The following ABCA5 variants were observed in gnomAD, a reference collection of about 807,000 sequenced individuals.
The protein encoded by ABCA5 is cholesterol transporter ABCA5.
A neutral mutation model predicts 206.0 loss-of-function variants in ABCA5; 163 were observed. The observed-to-expected ratio is 0.79, with a 90% CI of 0.70 to 0.90. The LOEUF is 0.90. ABCA5 is among the 40% of genes least tolerant of loss of function. The pLI is 0.00. For missense variants in ABCA5, 1,859 were observed against 1,912.9 expected (o/e 0.97, Z 0.53); for synonymous variants, 609 against 613.8 (o/e 0.99, Z 0.11).
At position 69,301,107 on chromosome 17, in the gene ABCA5, T is replaced by C. The variant is rs2075647843; in HGVS notation, c.1267+32A>G. 3 of 1,488,332 alleles carry C rather than the reference T, an allele frequency of 2.0e-6. No homozygotes were observed. The South Asian group carries it at 4.4e-5, about 22-fold the overall frequency. 92.2% of individuals were successfully genotyped at this position (1,488,332 alleles called of 1,614,324 possible). The stretch of plus-strand genomic sequence containing the variant: ...ATGTGGGCAAAAAAGCCTAAAAATC[T>C]TTAAAGTAAAATTCAAAAACCATCT... On this transcript the variant is annotated intron_variant, in intron 9 of 38. Transcript: ENST00000392676.
chr17:69,254,203 C>A, intron 32 of ABCA5, 112 bp downstream of exon 32: 1 of 875,738 alleles, frequency 1.1e-6, no homozygotes, highest in East Asian at 2.7e-5. Context: ...AAGTAATAAA[C>A]ATTTTCTATA....
At chr17:69,280,314 C>A (rs2075378319) in intron 18 of ABCA5, among the ~76,000 whole-genome samples, 1 of 152,174 alleles carries the variant, frequency 6.6e-6, no homozygotes, top group Non-Finnish European at 1.5e-5. Context: ...TAGGGAAATG[C>A]AAATCAAAAC....
At chr17:69,298,049 G>A (rs150634221) in intron 9 of ABCA5, among the ~76,000 whole-genome samples, 33 of 152,118 alleles carry the variant, frequency 2.2e-4, no homozygotes, top group Non-Finnish European at 4.0e-4. Context: ...AGTCAGATGC[G>A]GTGGTGCATG....
intron 23 of ABCA5, among the ~76,000 whole-genome samples, 153 bp downstream of exon 23, chr17:69,267,790 C>T (rs982432233): frequency 3.9e-5 from 6 of 152,174 alleles, no homozygotes; most frequent in South Asian, 2.1e-4. Flanking sequence ...TTAATTATCA[C>T]TTATTACAAT....
Position 69,289,236 on chromosome 17 carries a change from A to T in ABCA5, c.1843T>A (p.Leu615Ile). The part of the protein sequence containing the change: ...QTIKDNQAKK[L>I]SGGQKRKLSL... ...AGCTTTCTTTTTTGACCACCACTTA[A>T]TTTTTTAGCTTGGTTATCTTTGATA... The change falls in exon 14 of 39, where the codon TTA becomes ATA. Residue 615 changes from leucine (L) to isoleucine (I), a missense_variant. Transcript: ENST00000392676. 1.2e-6 allele frequency: 2 copies of T among 1,609,112 alleles called. No individual in the cohort carries two copies. Among genetic ancestry groups the T allele is most frequent in the Non-Finnish European group, 1.7e-6 (2 of 1,177,902 alleles).
In ABCA5 at chr17:69,259,713, AG is replaced by A. The variant is rs1411278829; in HGVS notation, c.3723del (p.Phe1243SerfsTer31). Reference sequence around the variant, plus strand: ...TTTAAAAAATCAACTGACCTGAAAAAGGGATCTTTTCTTATTGATCTGCCTC... The same window carrying A: ...TTTAAAAAATCAACTGACCTGAAAAAGGATCTTTTCTTATTGATCTGCCTC... ...KYGGRSIRKD[P>X]FFRNLSTKSK... is the part of the protein sequence containing the mutation. On this transcript the variant is annotated frameshift_variant, in exon 28 of 39. Transcript: ENST00000392676. LOFTEE classifies it high-confidence loss of function. 2.5e-6 allele frequency: 4 copies of A among 1,595,218 alleles called. No homozygotes were observed. The African/African-American group carries it at 4.0e-5, about 16-fold the overall frequency.
At position 69,259,723 on chromosome 17, in the gene ABCA5, T is replaced by C. The variant is rs1204393359; in HGVS notation, c.3714A>G (p.Arg1238=). The change falls in exon 28 of 39, where the codon AGA becomes AGG. Residue 1238 remains arginine, a synonymous_variant. Coordinates refer to ENST00000392676, the MANE Select transcript of ABCA5 (RefSeq NM_172232.4). Reference sequence around the variant, plus strand: ...CAACTGACCTGAAAAAGGGATCTTTTCTTATTGATCTGCCTCCATATTTTT... The same window carrying C: ...CAACTGACCTGAAAAAGGGATCTTTCCTTATTGATCTGCCTCCATATTTTT... The part of the protein sequence containing the change: ...YEKKYGGRSI[R]KDPFFRNLST... 4.4e-6 allele frequency: 7 copies of C among 1,605,370 alleles called. No homozygotes were observed. The highest frequency in any genetic ancestry group is 5.1e-6 in the Non-Finnish European group (6 of 1,173,990).
intron 1 of ABCA5, among the ~76,000 whole-genome samples, chr17:69,319,215 A>G (rs927094371): frequency 1.3e-5 from 2 of 152,152 alleles, no homozygotes; most frequent in African/African-American, 4.8e-5. Context: ...ACAAACATAG[A>G]AACACTAACC....
In ABCA5 at chr17:69,287,638, G is replaced by T; in HGVS notation, c.2016C>A (p.Phe672Leu). The T allele has an allele frequency of 6.2e-7, 1 of 1,611,588 alleles. No homozygotes were observed. Among genetic ancestry groups the T allele is most frequent in the Non-Finnish European group, 8.5e-7 (1 of 1,179,080 alleles). ...ANRVTVFSTHFMDEADILADR... is the reference protein window; with the variant it reads ...ANRVTVFSTHLMDEADILADR... ...CTGCAAGAATGTCAGCTTCATCCAT[G>T]AAATGAGTACTGAACACTGTCACCC... The change falls in exon 15 of 39, where the codon TTC becomes TTA. Residue 672 changes from phenylalanine to leucine, a missense_variant. Phe to Leu is a conservative substitution (Grantham distance 22). Transcript: ENST00000392676.
At position 69,301,286 on chromosome 17, in the gene ABCA5, C is replaced by T; in HGVS notation, c.1120G>A (p.Val374Ile). 1 of 1,586,408 alleles carries T rather than the reference C, an allele frequency of 6.3e-7. No individual in the cohort carries two copies. The highest frequency in any genetic ancestry group is 8.5e-7 in the Non-Finnish European group (1 of 1,173,392). ...TCATTAAAATCTTCTAAATGCATGA[C>T]CTGAAAAATACAAACACTAACTTTA... Reference protein sequence around the residue: ...HCTFVIGIAQVMHLEDFNEGA... With the variant: ...HCTFVIGIAQIMHLEDFNEGA... The change falls in exon 9 of 39, where the codon GTC becomes ATC. Residue 374 changes from valine to isoleucine, a missense_variant and splice_region_variant. Coordinates refer to ENST00000392676, the MANE Select transcript of ABCA5 (RefSeq NM_172232.4).
chr17:69,250,831 A>G, intron 35 of ABCA5: 1 of 306,476 alleles, frequency 3.3e-6, no homozygotes, highest in South Asian at 6.5e-5. Flanking sequence ...CTCACAACTG[A>G]GACACCGACA....
In ABCA5 at chr17:69,253,557, C is replaced by T. The variant is rs190726871; in HGVS notation, c.4415+16G>A. On this transcript the variant is annotated intron_variant, in intron 34 of 38. Transcript: ENST00000392676. The stretch of plus-strand genomic sequence containing the variant: ...TTCTAAAGTATCATGTACTGTGTCA[C>T]AAGTACCATACTCACCACATGTGCT... 85 of 1,566,982 alleles carry T rather than the reference C, an allele frequency of 5.4e-5. No homozygotes were observed. In the East Asian group the frequency reaches 9.9e-4, roughly 18 times the overall value.
chr17:69,311,660 T>TAA (rs2075771812), intron 3 of ABCA5, among the ~76,000 whole-genome samples: 1 of 152,050 alleles, frequency 6.6e-6, no homozygotes, highest in South Asian at 2.1e-4. Flanking sequence ...TGGATAATTT[T>TAA]TTTGTATTTT....
intron 3 of ABCA5, 123 bp from the exon 4 acceptor site, chr17:69,309,546 TA>T: frequency 2.6e-6 from 2 of 783,718 alleles, no homozygotes; most frequent in Non-Finnish European, 3.7e-6. Context: ...ATTTACTTCT[TA>T]AAAAATGAAA....
At chr17:69,307,851 A>G (rs974733307) in intron 5 of ABCA5, among the ~76,000 whole-genome samples, 2 of 152,088 alleles carry the variant, frequency 1.3e-5, no homozygotes, top group African/African-American at 4.8e-5. Flanking sequence ...AGCAGACAAG[A>G]TGGTTGATAT....
chr17:69,323,979 C>G (rs573337463), intron 1 of ABCA5, among the ~76,000 whole-genome samples: 16 of 152,296 alleles, frequency 1.1e-4, no homozygotes, highest in Non-Finnish European at 1.9e-4. Context: ...CAGCCATGCT[C>G]ATTCATTTAT....
chr17:69,323,811 G>A (rs1442294733), intron 1 of ABCA5, among the ~76,000 whole-genome samples: 1 of 152,156 alleles, frequency 6.6e-6, no homozygotes, highest in Non-Finnish European at 1.5e-5. Context: ...TGAAAGAGGT[G>A]GGGGCTAAAT....
Position 69,301,301 on chromosome 17 carries a change from C to T in ABCA5, c.1120-15G>A, listed in dbSNP as rs2075650538. On this transcript the variant is annotated splice_polypyrimidine_tract_variant and intron_variant, in intron 8 of 38. Coordinates refer to ENST00000392676, the MANE Select transcript of ABCA5 (RefSeq NM_172232.4). Reference sequence around the variant, plus strand: ...AAATGCATGACCTGAAAAATACAAACACTAACTTTATTACATAAAAATGAC... The same window carrying T: ...AAATGCATGACCTGAAAAATACAAATACTAACTTTATTACATAAAAATGAC... 7 of 1,579,104 alleles carry T rather than the reference C, an allele frequency of 4.4e-6. No individual in the cohort carries two copies. The highest frequency in any genetic ancestry group is 6.0e-6 in the Non-Finnish European group (7 of 1,170,582).
intron 28 of ABCA5, among the ~76,000 whole-genome samples, chr17:69,257,485 G>C (rs2075096897): frequency 6.6e-6 from 1 of 151,964 alleles, no homozygotes. Flanking sequence ...ATTGAAAATA[G>C]TATCAATGGA....
Sources: gnomAD v4.1 joint callset for allele counts (sites outside exome capture counted in the v4.1 genomes callset) on GRCh38, gnomAD v4.1.1 for gene constraint, MANE v1.5 for transcripts, NCBI Gene and HGNC (gene_info 2026-07-23, HGNC 2026-07-21) for gene names.